SOX5: variants seen among roughly 807,000 people sequenced by gnomAD.
SOX5 encodes the protein SRY-box transcription factor 5, also known as transcription factor SOX-5.
Under a neutral mutation model 92.0 loss-of-function variants are expected in SOX5, and 9 were observed. That is an observed-to-expected ratio of 0.10 (90% CI 0.06 to 0.17). The LOEUF (loss-of-function observed/expected upper bound fraction) is 0.17, where lower values mean the gene tolerates loss of function less well. Ranked by LOEUF, SOX5 falls within the 10% of genes least tolerant of loss-of-function variation. The pLI, the probability that SOX5 is intolerant of heterozygous loss-of-function variation, is 1.00. For synonymous variants in SOX5, 344 were observed against 336.3 expected, an observed-to-expected ratio of 1.02 and a Z score of -0.25; for missense variants, 642 against 944.5, an observed-to-expected ratio of 0.68 and a Z score of 4.20.
chr12:24,242,554 G>A (rs1399681084), intron 3 of SOX5, among the ~76,000 whole-genome samples: 1 of 152,132 alleles, frequency 6.6e-6, no homozygotes, highest in Non-Finnish European at 1.5e-5. Flanking sequence ...TTCCCACTGA[G>A]TTTATTTTCT....
intron 9 of SOX5, among the ~76,000 whole-genome samples, chr12:23,596,881 A>G (rs1401375154): frequency 1.3e-5 from 2 of 152,206 alleles, no homozygotes; most frequent in Admixed American, 1.3e-4. Context: ...TATTTAGAAT[A>G]TAATTCAAAG....
At chr12:23,735,778 C>T (rs2093568189) in intron 5 of SOX5, among the ~76,000 whole-genome samples, 1 of 152,172 alleles carries the variant, frequency 6.6e-6, no homozygotes, top group African/African-American at 2.4e-5. Flanking sequence ...CAATCACTTA[C>T]CACTCTCACT....
intron 2 of SOX5, among the ~76,000 whole-genome samples, chr12:24,355,507 A>G (rs1175421615): frequency 6.6e-6 from 1 of 151,758 alleles, no homozygotes; most frequent in Non-Finnish European, 1.5e-5. Flanking sequence ...GGAAGGGGGC[A>G]CCCATGGGCA....
chr12:24,430,221 C>T (rs1397102570), intron 1 of SOX5, among the ~76,000 whole-genome samples: 1 of 152,100 alleles, frequency 6.6e-6, no homozygotes, highest in African/African-American at 2.4e-5. Context: ...ATCATCAAAT[C>T]ATTCATGTTC....
chr12:24,266,359 A>G (rs185847886), intron 3 of SOX5, among the ~76,000 whole-genome samples: 57 of 152,310 alleles, frequency 3.7e-4, no homozygotes, highest in Middle Eastern at 3.4e-3. Flanking sequence ...TATATGGCAA[A>G]TTGCTAGAAG....
chr12:24,324,632 C>T (rs11047365), intron 2 of SOX5, among the ~76,000 whole-genome samples: 70,180 of 151,780 alleles, frequency 0.46, 17,731 homozygotes, highest in Admixed American at 0.62. Context: ...TAGTTAAAAG[C>T]CCAAAAGATA....
chr12:23,548,315 T>G (rs1392063662), intron 11 of SOX5, among the ~76,000 whole-genome samples: 1 of 151,996 alleles, frequency 6.6e-6, no homozygotes, highest in Non-Finnish European at 1.5e-5. Flanking sequence ...AGACTAAAAT[T>G]AACAAATATG....
At chr12:24,394,243 G>A (rs911177027) in intron 1 of SOX5, among the ~76,000 whole-genome samples, 1 of 152,156 alleles carries the variant, frequency 6.6e-6, no homozygotes, top group Non-Finnish European at 1.5e-5. Context: ...ATCCTCACCT[G>A]AGAAGGAAAA....
In SOX5 at chr12:23,767,420, C is replaced by T. The variant is rs559536760; in HGVS notation, c.482-11696G>A. ...GCCTCAGAGAAGAATGGGAGAATCA[C>T]GTTACAAGCAATTTAATGAATCAGA... On this transcript the variant is annotated intron_variant, in intron 3 of 14. Transcript: ENST00000451604. Among the ~76,000 whole-genome samples, 21 of 152,142 alleles carry T rather than the reference C, an allele frequency of 1.4e-4. 1 individual carries two copies. The highest frequency in any genetic ancestry group is 4.1e-4 in the South Asian group (2 of 4,824).
intron 1 of SOX5, among the ~76,000 whole-genome samples, chr12:24,534,773 G>C (rs1951492731): frequency 6.6e-6 from 1 of 152,196 alleles, no homozygotes; most frequent in South Asian, 2.1e-4. Context: ...GAGTGGGGCT[G>C]GGAAAGCAAG....
At chr12:23,780,078 T>G (rs1025439120) in intron 3 of SOX5, among the ~76,000 whole-genome samples, 1 of 151,120 alleles carries the variant, frequency 6.6e-6, no homozygotes, top group Non-Finnish European at 1.5e-5. Flanking sequence ...TTGACAAGAA[T>G]TTTTAAGTTT....
At chr12:23,831,594 A>G (rs532465577) in intron 3 of SOX5, among the ~76,000 whole-genome samples, 2 of 152,230 alleles carry the variant, frequency 1.3e-5, no homozygotes, top group Non-Finnish European at 2.9e-5. Context: ...CATTATTTGC[A>G]TTAGTTCTCA....
intron 6 of SOX5, among the ~76,000 whole-genome samples, chr12:23,710,706 T>C (rs2091965293): frequency 6.6e-6 from 1 of 152,222 alleles, no homozygotes; most frequent in Non-Finnish European, 1.5e-5. Flanking sequence ...AACAAACGTG[T>C]GCATGTGCCT....
At chr12:24,455,651 G>A (rs1344376690) in intron 1 of SOX5, among the ~76,000 whole-genome samples, 1 of 152,200 alleles carries the variant, frequency 6.6e-6, no homozygotes, top group East Asian at 1.9e-4. Flanking sequence ...AAACATCCCT[G>A]AAAGTGATAG....
intron 6 of SOX5, among the ~76,000 whole-genome samples, chr12:23,727,394 G>A (rs1211219327): frequency 6.6e-6 from 1 of 152,122 alleles, no homozygotes; most frequent in Non-Finnish European, 1.5e-5. Context: ...TCCAGGAAAA[G>A]AGGATTCTGG....
chr12:23,925,367 A>G (rs955568006), intron 1 of SOX5, among the ~76,000 whole-genome samples: 5 of 152,036 alleles, frequency 3.3e-5, no homozygotes, highest in African/African-American at 1.2e-4. Context: ...CTAATATCCA[A>G]TTTATAGGAG....
intron 3 of SOX5, among the ~76,000 whole-genome samples, chr12:23,773,169 C>T (rs979013029): frequency 6.6e-6 from 1 of 151,980 alleles, no homozygotes; most frequent in South Asian, 2.1e-4. Flanking sequence ...TTAAGCATGA[C>T]TATTTTTGTT....
chr12:24,120,446 T>C (rs751197906), intron 4 of SOX5, among the ~76,000 whole-genome samples: 4 of 152,182 alleles, frequency 2.6e-5, no homozygotes, highest in Non-Finnish European at 5.9e-5. Flanking sequence ...GTGATGAAAA[T>C]CCAGAGAGTA....
intron 3 of SOX5, among the ~76,000 whole-genome samples, chr12:23,843,408 G>T (rs2096540027): frequency 1.3e-5 from 2 of 152,062 alleles, no homozygotes; most frequent in South Asian, 4.1e-4. Flanking sequence ...AGAGGAGACT[G>T]TATACGGATG....
Sources: allele counts gnomAD v4.1 joint callset (sites outside exome capture counted in the v4.1 genomes callset), GRCh38; gene constraint gnomAD v4.1.1; transcripts MANE v1.5; gene names NCBI Gene and HGNC (gene_info 2026-07-23, HGNC 2026-07-21).